The following KDM2B variants were observed in gnomAD, a reference collection of about 807,000 sequenced individuals.
KDM2B encodes lysine-specific demethylase 2B.
In KDM2B, 26 loss-of-function variants were observed where a neutral mutation model predicts 150.0. The observed-to-expected ratio is 0.17, with a 90% confidence interval of 0.13 to 0.24. KDM2B has a LOEUF of 0.24. Ranked by LOEUF, KDM2B falls within the 10% of genes least tolerant of loss-of-function variation. The pLI, the probability that KDM2B is intolerant of heterozygous loss-of-function variation, is 1.00. For missense variants in KDM2B, 1,265 were observed against 1,816.9 expected (o/e 0.70, Z 5.52); for synonymous variants, 734 against 729.5 (o/e 1.01, Z -0.10).
chr12:121,448,460 G>A (rs1876677219), intron 13 of KDM2B, among the ~76,000 whole-genome samples: 1 of 151,128 alleles, frequency 6.6e-6, no homozygotes, highest in African/African-American at 2.4e-5. Flanking sequence ...GCTCTTTAGG[G>A]TCCTCATAAT....
chr12:121,410,743 C>T, the KDM2B span, among the ~76,000 whole-genome samples: 5 of 152,152 alleles, frequency 3.3e-5, no homozygotes, highest in Non-Finnish European at 7.4e-5. Flanking sequence ...ATCATGTTCT[C>T]ATTGGAAGAT....
rs782744623 is a variant in KDM2B, at chr12:121,442,769, T to C, written c.2672A>G (p.Gln891Arg). Residue 891 changes from glutamine (Q) to arginine (R), a missense_variant, in exon 19 of 23, where the codon CAG becomes CGG. This residue lies in a region of KDM2B where 418 missense variants were observed against 402.4 expected (regional missense o/e 1.04). Coordinates refer to ENST00000377071, the MANE Select transcript of KDM2B (RefSeq NM_032590.5). This position sits in a 1 kb window ranked among gnomAD's most constrained non-coding sequence, Gnocchi z 7.7. ...CTCGGGCAGTTCGTCCTCGGGTTCC[T>C]GCTTGAAGCGCCGGAGGGGCTTGTT... ...LANKPLRRFK[Q>R]EPEDELPEAP... 1.9e-6 allele frequency: 3 copies of C among 1,546,214 alleles called. No individual in the cohort carries two copies. The highest frequency in any genetic ancestry group is 1.3e-5 in the South Asian group (1 of 78,844).
chr12:121,474,503 A>C (rs1223384537), intron 12 of KDM2B, among the ~76,000 whole-genome samples: 1 of 152,170 alleles, frequency 6.6e-6, no homozygotes, highest in Non-Finnish European at 1.5e-5. Flanking sequence ...GCAACAGAGC[A>C]AGACTCCATC....
Position 121,453,063 on chromosome 12 carries a change from CGGGCCGGCACGCA to C in KDM2B, c.1959+44_1959+56del. The C allele has an allele frequency of 7.0e-7, 1 of 1,433,518 alleles. No homozygotes were observed. Among genetic ancestry groups the C allele is most frequent in the Non-Finnish European group, 9.4e-7 (1 of 1,067,022 alleles). The allele number at this position is 1,433,518 out of a possible 1,614,324, so 88.8% of individuals were successfully genotyped here. On this transcript the variant is annotated intron_variant, in intron 13 of 22. Transcript: ENST00000377071. The surrounding 1 kb of genome is among the most constrained non-coding windows in gnomAD (Gnocchi z 6.4). Reference sequence around the variant, plus strand: ...CCAGAGCGAGCAGCGGTCAGACACGCGGGCCGGCACGCAGGGGCCTGAATCGAGCGCAGGGCTG... The same window carrying C: ...CCAGAGCGAGCAGCGGTCAGACACGCGGGGCCTGAATCGAGCGCAGGGCTG...
chr12:121,429,851 C>A lies in KDM2B; in HGVS notation c.*437G>T. The stretch of plus-strand genomic sequence containing the variant: ...TAATGTAAGATGTAACAAAACCAAC[C>A]AAACAAAAAAAAGTGTCAAGACGGC... On this transcript the variant is annotated 3_prime_UTR_variant, in exon 23 of 23. Transcript: ENST00000377071. The A allele has an allele frequency of 3.5e-6, 2 of 566,416 alleles. No homozygotes were observed. The highest frequency in any genetic ancestry group is 2.5e-5 in the South Asian group (1 of 39,574). The allele number at this position is 566,416 out of a possible 1,614,324, so 35.1% of individuals were successfully genotyped here. A position where few individuals can be genotyped will look rare whatever the true frequency, so the allele number is the denominator to read the frequency against.
At chr12:121,501,492 C>G (rs1884539819) in intron 11 of KDM2B, among the ~76,000 whole-genome samples, 1 of 152,320 alleles carries the variant, frequency 6.6e-6, no homozygotes, top group South Asian at 2.1e-4. Flanking sequence ...TGCCAGAAAC[C>G]AGAGGAGGCC....
chr12:121,577,537 A>G lies in KDM2B; in HGVS notation c.271+1265T>C, dbSNP rs368990026. Among the ~76,000 whole-genome samples, 4 of 152,218 alleles carry G rather than the reference A, an allele frequency of 2.6e-5. No homozygotes were observed. The South Asian group carries it at 8.3e-4, about 32-fold the overall frequency. The stretch of plus-strand genomic sequence containing the variant: ...ACCGGAGCCCAGCGCTCCAGGAGGC[A>G]ATGGGCACAAAAGAGAAATCGCAAA... On this transcript the variant is annotated intron_variant, in intron 2 of 22. Transcript: ENST00000377071.
intron 12 of KDM2B, among the ~76,000 whole-genome samples, chr12:121,487,425 G>T (rs79454814): frequency 6.6e-6 from 1 of 152,214 alleles, no homozygotes; most frequent in African/African-American, 2.4e-5. Flanking sequence ...TTCTCTTCGC[G>T]TGGTTCCCCT....
intron 11 of KDM2B, among the ~76,000 whole-genome samples, chr12:121,497,024 T>C (rs1555301159): frequency 2.0e-5 from 3 of 152,002 alleles, no homozygotes. Flanking sequence ...TCTTTTTTTT[T>C]TTTTGAGTGA....
downstream of KDM2B, among the ~76,000 whole-genome samples, chr12:121,424,687 G>T (rs553768457): frequency 1.3e-4 from 20 of 150,186 alleles, no homozygotes; most frequent in East Asian, 1.8e-3. Flanking sequence ...ATCCAACTTG[G>T]GTAACAGAGC....
intron 8 of KDM2B, among the ~76,000 whole-genome samples, chr12:121,531,751 T>G (rs1237761351): frequency 2.0e-5 from 3 of 152,080 alleles, no homozygotes; most frequent in Non-Finnish European, 2.9e-5. Context: ...CACACCCCAC[T>G]TCAGGTTGAT....
At chr12:121,464,137 G>T (rs1879498323) in intron 12 of KDM2B, among the ~76,000 whole-genome samples, 1 of 152,154 alleles carries the variant, frequency 6.6e-6, no homozygotes, top group Non-Finnish European at 1.5e-5. Flanking sequence ...GGAGGCTGAG[G>T]CAGGAGGATC....
At chr12:121,414,973 G>A in the KDM2B span, among the ~76,000 whole-genome samples, 3 of 152,232 alleles carry the variant, frequency 2.0e-5, no homozygotes, top group African/African-American at 7.2e-5. Flanking sequence ...GCGGATGCCT[G>A]TAATCCCAGC....
At chr12:121,503,871 C>A (rs1336045589) in intron 11 of KDM2B, among the ~76,000 whole-genome samples, 1 of 152,194 alleles carries the variant, frequency 6.6e-6, no homozygotes, top group African/African-American at 2.4e-5. Flanking sequence ...CATAAGAGTC[C>A]CAGAATCTGG....
At chr12:121,415,287 A>G in the KDM2B span, 4 of 384,096 alleles carry the variant, frequency 1.0e-5, no homozygotes, top group African/African-American at 6.1e-5. Context: ...ATTATACCCA[A>G]TTACAAATGC....
intron 12 of KDM2B, among the ~76,000 whole-genome samples, chr12:121,490,296 C>T (rs1883214668): frequency 6.6e-6 from 1 of 152,242 alleles, no homozygotes; most frequent in African/African-American, 2.4e-5. Context: ...TGTCTCCATG[C>T]CCCCATCAGG....
In KDM2B at chr12:121,452,217, G is replaced by C. The variant is rs1877406177; in HGVS notation, c.1959+903C>G. ...TTTTGCAAAATGAAAAAGTTCTAGGGATCAGCTTCCCAAAAACGTGCATAT... is the reference window on the plus strand; with the variant it reads ...TTTTGCAAAATGAAAAAGTTCTAGGCATCAGCTTCCCAAAAACGTGCATAT... On this transcript the variant is annotated intron_variant, in intron 13 of 22. Coordinates refer to ENST00000377071, the MANE Select transcript of KDM2B (RefSeq NM_032590.5). The surrounding 1 kb of genome is among the most constrained non-coding windows in gnomAD (Gnocchi z 4.4). 6.6e-6 allele frequency among the ~76,000 whole-genome samples: 1 copy of C among 152,178 alleles called. No homozygotes were observed. The highest frequency in any genetic ancestry group is 1.5e-5 in the Non-Finnish European group (1 of 68,024).
chr12:121,547,858 G>C (rs1182588090), intron 6 of KDM2B, among the ~76,000 whole-genome samples: 1 of 151,838 alleles, frequency 6.6e-6, no homozygotes, highest in Non-Finnish European at 1.5e-5. Flanking sequence ...GGTCTGGCTG[G>C]TCTCGAACTC....
chr12:121,433,844 T>G (rs1555286066), intron 22 of KDM2B, among the ~76,000 whole-genome samples: 2 of 152,116 alleles, frequency 1.3e-5, no homozygotes, highest in African/African-American at 4.8e-5. Flanking sequence ...AGGAGTATGA[T>G]TCCAGCCTGA....
Sources: gnomAD v4.1 joint callset for allele counts (sites outside exome capture counted in the v4.1 genomes callset) on GRCh38, gnomAD v4.1.1 for gene constraint, gnomAD v4.1.1 regional missense constraint, Gnocchi (gnomAD v3.1) non-coding constraint, MANE v1.5 for transcripts, NCBI Gene and HGNC (gene_info 2026-07-23, HGNC 2026-07-21) for gene names.